VASN: variants seen among roughly 807,000 people sequenced by gnomAD.
The protein encoded by VASN is protein slit-like 2.
Under a neutral mutation model 4.8 loss-of-function variants are expected in VASN, and 5 were observed. That is an observed-to-expected ratio of 1.03 (90% CI 0.54 to 2.17). VASN has a LOEUF of 2.17. Ranked by LOEUF, VASN falls within the 30% of genes most tolerant of loss-of-function variation. The pLI is 0.01. For missense variants in VASN, 927 were observed against 948.8 expected, an observed-to-expected ratio of 0.98 and a Z score of 0.30; for synonymous variants, 499 against 460.8, an observed-to-expected ratio of 1.08 and a Z score of -1.06.
chr16:4,381,937 A>G lies in VASN; in HGVS notation c.1060A>G (p.Thr354Ala). ...CGACTTTGGCTGCCCAGCCACCACC[A>G]CCACAGCCACAGTGCCCACCACGAG... ...YADFGCPATTTTATVPTTRPV... is the reference protein window; with the variant it reads ...YADFGCPATTATATVPTTRPV... The change falls in exon 2 of 2, where the codon ACC becomes GCC. Residue 354 changes from threonine (T) to alanine (A), a missense_variant. Thr to Ala is a moderately conservative substitution (Grantham distance 58). Transcript: ENST00000304735. 6.2e-7 allele frequency: 1 copy of G among 1,606,876 alleles called. No homozygotes were observed. Among genetic ancestry groups the G allele is most frequent in the African/African-American group, 1.3e-5 (1 of 74,866 alleles).
Position 4,382,821 on chromosome 16 carries a change from G to A in VASN, c.1944G>A (p.Gly648=). ...GCGGTGGAGAGGCCCTGCCCAGCGG[G>A]TCTGAGTGTGAGGTGCCACTCATGG... ...TEGGGEALPS[G]SECEVPLMGF... The change falls in exon 2 of 2, where the codon GGG becomes GGA. Residue 648 remains glycine, a synonymous_variant. Transcript: ENST00000304735. 2 of 1,597,904 alleles carry A rather than the reference G, an allele frequency of 1.3e-6. No individual in the cohort carries two copies. The highest frequency in any genetic ancestry group is 8.5e-7 in the Non-Finnish European group (1 of 1,173,310).
chr16:4,382,166 G>T lies in VASN; in HGVS notation c.1289G>T (p.Cys430Phe). 6.3e-7 allele frequency: 1 copy of T among 1,594,254 alleles called. No individual in the cohort carries two copies. The change falls in exon 2 of 2, where the codon TGC becomes TTC. Residue 430 changes from cysteine (C) to phenylalanine (F), a missense_variant. Coordinates refer to ENST00000304735, the MANE Select transcript of VASN (RefSeq NM_138440.3). ...CHLGTRHHLA[C>F]LCPEGFTGLY... is the part of the protein sequence containing the mutation. ...CTGGGGACACGGCACCACCTGGCGT[G>T]CTTGTGCCCCGAAGGCTTCACGGGC... is the stretch of plus-strand genomic sequence containing the variant.
At chr16:4,376,864 G>A (rs925905022) in intron 1 of VASN, among the ~76,000 whole-genome samples, 1 of 152,194 alleles carries the variant, frequency 6.6e-6, no homozygotes, top group African/African-American at 2.4e-5. Flanking sequence ...GTGTGGGGAT[G>A]TCTGATCTGT....
chr16:4,382,262 G>T lies in VASN; in HGVS notation c.1385G>T (p.Arg462Leu). The change falls in exon 2 of 2, where the codon CGG becomes CTG. Residue 462 changes from arginine to leucine, a missense_variant. Transcript: ENST00000304735. ...ACACCAGTCACGCCGAGGCCACCAC[G>T]GTCCCTGACCCTGGGCATCGAGCCG... is the stretch of plus-strand genomic sequence containing the variant. ...SPTPVTPRPP[R>L]SLTLGIEPVS... 2 of 1,608,406 alleles carry T rather than the reference G, an allele frequency of 1.2e-6. No homozygotes were observed. The highest frequency in any genetic ancestry group is 1.7e-6 in the Non-Finnish European group (2 of 1,178,460).
Position 4,378,518 on chromosome 16 carries a change from G to A in VASN, c.-9-2351G>A, listed in dbSNP as rs1336108217. Among the ~76,000 whole-genome samples, 4 of 152,172 alleles carry A rather than the reference G, an allele frequency of 2.6e-5. 1 individual carries two copies. On this transcript the variant is annotated intron_variant, in intron 1 of 1. Transcript: ENST00000304735. Reference sequence around the variant, plus strand: ...CTCACAGCCCACATCTGGAGGCCAGGCCGCACCCGCCGTCCTCTGAGTCAG... The same window carrying A: ...CTCACAGCCCACATCTGGAGGCCAGACCGCACCCGCCGTCCTCTGAGTCAG...
intron 1 of VASN, among the ~76,000 whole-genome samples, chr16:4,380,586 A>G (rs758683382): frequency 6.6e-6 from 1 of 152,232 alleles, no homozygotes; most frequent in Non-Finnish European, 1.5e-5. Flanking sequence ...AGGCAGAGGC[A>G]GGAGGGCCTG....
In VASN at chr16:4,380,960, G is replaced by A; in HGVS notation, c.83G>A (p.Cys28Tyr). ...GPGVQGCPSGCQCSQPQTVFC... is the reference protein window; with the variant it reads ...GPGVQGCPSGYQCSQPQTVFC... ...GGGGTGCAGGGCTGCCCATCCGGCTGCCAGTGCAGCCAGCCACAGACAGTC... is the reference window on the plus strand; with the variant it reads ...GGGGTGCAGGGCTGCCCATCCGGCTACCAGTGCAGCCAGCCACAGACAGTC... Residue 28 changes from cysteine to tyrosine, a missense_variant, in exon 2 of 2, where the codon TGC becomes TAC. Cys to Tyr is a radical substitution (Grantham distance 194). Coordinates refer to ENST00000304735, the MANE Select transcript of VASN (RefSeq NM_138440.3). The A allele has an allele frequency of 6.2e-7, 1 of 1,602,502 alleles. No individual in the cohort carries two copies. Among genetic ancestry groups the A allele is most frequent in the Admixed American group, 1.7e-5 (1 of 59,406 alleles).
intron 1 of VASN, among the ~76,000 whole-genome samples, chr16:4,377,224 C>T (rs1410033226): frequency 3.3e-5 from 5 of 152,122 alleles, no homozygotes; most frequent in African/African-American, 4.8e-5. Context: ...CACCCCCCGA[C>T]GTCCCCGAAT....
rs1293783054 is a variant in VASN, at chr16:4,381,306, C to T, written c.429C>T (p.Ala143=). ...KNRIRHIQPG[A]FDTLDRLLEL... ...GCATCCGCCACATCCAGCCTGGTGC[C>T]TTCGACACGCTCGACCGCCTCCTGG... is the stretch of plus-strand genomic sequence containing the variant. The change falls in exon 2 of 2, where the codon GCC becomes GCT. Residue 143 remains alanine, a synonymous_variant. Coordinates refer to ENST00000304735, the MANE Select transcript of VASN (RefSeq NM_138440.3). 8 of 1,611,992 alleles carry T rather than the reference C, an allele frequency of 5.0e-6. No homozygotes were observed. The highest frequency in any genetic ancestry group is 6.8e-6 in the Non-Finnish European group (8 of 1,179,684).
chr16:4,376,559 A>T (rs1289800481), intron 1 of VASN, among the ~76,000 whole-genome samples: 4 of 152,096 alleles, frequency 2.6e-5, no homozygotes, highest in African/African-American at 9.7e-5. Flanking sequence ...AATCAGTGAG[A>T]TGTTCTCGCC....
At position 4,381,537 on chromosome 16, in the gene VASN, C is replaced by T. The variant is rs761859560; in HGVS notation, c.660C>T (p.Asp220=). The change falls in exon 2 of 2, where the codon GAC becomes GAT. Residue 220 remains aspartate, a synonymous_variant. Coordinates refer to ENST00000304735, the MANE Select transcript of VASN (RefSeq NM_138440.3). ...TCAGCCGCTTGCGCAACCTCCACGA[C>T]CTGGATGTGTCCGACAACCAGCTGG... ...GLFSRLRNLH[D]LDVSDNQLER... The T allele has an allele frequency of 6.2e-7, 1 of 1,604,558 alleles. No homozygotes were observed. The highest frequency in any genetic ancestry group is 1.1e-5 in the South Asian group (1 of 89,648).
In VASN at chr16:4,382,059, C is replaced by T. The variant is rs745457547; in HGVS notation, c.1182C>T (p.Ser394=). ...CCACTGAGGCCCCCAGCCCGCCCTC[C>T]ACTGCCCCACCGACTGTAGGGCCTG... ...EPATEAPSPP[S]TAPPTVGPVP... The change falls in exon 2 of 2, where the codon TCC becomes TCT. Residue 394 remains serine (S), a synonymous_variant. Transcript: ENST00000304735. 33 of 1,590,194 alleles carry T rather than the reference C, an allele frequency of 2.1e-5. No individual in the cohort carries two copies. The highest frequency in any genetic ancestry group is 2.5e-5 in the Non-Finnish European group (29 of 1,170,156).
intron 1 of VASN, among the ~76,000 whole-genome samples, chr16:4,373,624 G>C (rs886460194): frequency 6.6e-6 from 1 of 152,186 alleles, no homozygotes; most frequent in Non-Finnish European, 1.5e-5. Flanking sequence ...GGCAGGAGAT[G>C]GGTCCGCGGC....
At chr16:4,379,791 C>T (rs1429273204) in intron 1 of VASN, among the ~76,000 whole-genome samples, 1 of 151,498 alleles carries the variant, frequency 6.6e-6, no homozygotes, top group Non-Finnish European at 1.5e-5. Context: ...GCCTGTAATC[C>T]CAGCACTTTT....
chr16:4,382,200 T>A lies in VASN; in HGVS notation c.1323T>A (p.Cys441Ter). Reference protein sequence around the residue: ...LCPEGFTGLYCESQMGQGTRP... With the variant: ...LCPEGFTGLY ...CCGAAGGCTTCACGGGCCTGTACTG[T>A]GAGAGCCAGATGGGGCAGGGGACAC... The change falls in exon 2 of 2, where the codon TGT (cysteine) becomes TGA (stop). Residue 441 changes from cysteine to a stop codon, truncating the protein, a stop_gained. Coordinates refer to ENST00000304735, the MANE Select transcript of VASN (RefSeq NM_138440.3). LOFTEE classifies it high-confidence loss of function. The A allele has an allele frequency of 6.2e-7, 1 of 1,602,564 alleles. No homozygotes were observed. The highest frequency in any genetic ancestry group is 8.5e-7 in the Non-Finnish European group (1 of 1,176,336).
rs1463195724 is a variant in VASN, at chr16:4,383,434, G to GT, written c.*540dup. 6.0e-6 allele frequency: 1 copy of GT among 167,256 alleles called. No homozygotes were observed. The highest frequency in any genetic ancestry group is 1.5e-5 in the Non-Finnish European group (1 of 68,246). The allele number at this position is 167,256 out of a possible 1,614,324, so 10.4% of individuals were successfully genotyped here. A position where few individuals can be genotyped will look rare whatever the true frequency, so the allele number is the denominator to read the frequency against. On this transcript the variant is annotated 3_prime_UTR_variant, in exon 2 of 2. Coordinates refer to ENST00000304735, the MANE Select transcript of VASN (RefSeq NM_138440.3). ...CCTTTCCCATTTATTCTGGGAAGAT[G>GT]TTTTTCAAACTCAGAGACAAGGACT...
intron 1 of VASN, 93 bp from the exon 2 acceptor site, chr16:4,380,776 G>A: frequency 7.5e-7 from 1 of 1,327,008 alleles, no homozygotes; most frequent in Non-Finnish European, 1.0e-6. Flanking sequence ...TTTGGGGGCA[G>A]AAGCAGTGAA....
At chr16:4,377,755 A>G (rs1310282907) in intron 1 of VASN, among the ~76,000 whole-genome samples, 1 of 152,186 alleles carries the variant, frequency 6.6e-6, no homozygotes, top group Non-Finnish European at 1.5e-5. Context: ...CCAAAGCTCC[A>G]GCGCTGCCTC....
intron 1 of VASN, among the ~76,000 whole-genome samples, chr16:4,376,321 G>A (rs1475454857): frequency 1.3e-5 from 2 of 152,212 alleles, no homozygotes; most frequent in Admixed American, 1.3e-4. Context: ...CCTGCCTGGA[G>A]GGGTTGGCAG....
Sources: allele counts gnomAD v4.1 joint callset (sites outside exome capture counted in the v4.1 genomes callset), GRCh38; gene constraint gnomAD v4.1.1; transcripts MANE v1.5; gene names NCBI Gene and HGNC (gene_info 2026-07-23, HGNC 2026-07-21).